Variants in RAG1 observed in about 807,000 individuals in gnomAD.
RAG1 encodes recombination activating 1.
In RAG1, 35 loss-of-function variants were observed where a neutral mutation model predicts 62.7. That is an observed-to-expected ratio of 0.56 (90% CI 0.43 to 0.74). The LOEUF (loss-of-function observed/expected upper bound fraction) is 0.74. Among genes scored for constraint, RAG1 ranks in the 30% least tolerant of loss-of-function variants. RAG1 has a pLI of 0.00. For synonymous variants in RAG1, 461 were observed against 470.3 expected (o/e 0.98, Z 0.26); for missense variants, 1,169 against 1,278.6 (o/e 0.91, Z 1.31).
Position 36,576,161 on chromosome 11 carries a change from G to T in RAG1, c.2857G>T (p.Asp953Tyr), listed in dbSNP as rs759346767. The T allele has an allele frequency of 5.6e-6, 9 of 1,613,994 alleles. No homozygotes were observed. The South Asian group carries it at 6.6e-5, about 12-fold the overall frequency. ...LAHVPEIIER[D>Y]GSIGAWASEG... ...CCATGTTCCTGAAATTATTGAGAGG[G>T]ATGGCTCCATTGGGGCATGGGCAAG... Residue 953 changes from aspartate (D) to tyrosine (Y), a missense_variant, in exon 2 of 2, where the codon GAT (aspartate) becomes TAT (tyrosine). Coordinates refer to ENST00000299440, the MANE Select transcript of RAG1 (RefSeq NM_000448.3).
Position 36,574,568 on chromosome 11 carries a change from G to A in RAG1, c.1264G>A (p.Ala422Thr). 1 of 1,614,254 alleles carries A rather than the reference G, an allele frequency of 6.2e-7. No individual in the cohort carries two copies. Among genetic ancestry groups the A allele is most frequent in the Non-Finnish European group, 8.5e-7 (1 of 1,180,046 alleles). Residue 422 changes from alanine to threonine, a missense_variant, in exon 2 of 2, where the codon GCT becomes ACT. Transcript: ENST00000299440. ...RELKLQVKAF[A>T]DKEEGGDVKS... ...GCTCAAGCTGCAAGTCAAAGCCTTT[G>A]CTGACAAAGAAGAAGGTGGAGATGT...
chr11:36,577,771 T>C lies in RAG1; in HGVS notation c.*1335T>C, dbSNP rs1850874339. 1 of 167,126 alleles carries C rather than the reference T, an allele frequency of 6.0e-6. No individual in the cohort carries two copies. The highest frequency in any genetic ancestry group is 2.4e-5 in the African/African-American group (1 of 41,478). The allele number at this position is 167,126 out of a possible 1,614,324, so 10.4% of individuals were successfully genotyped here. On this transcript the variant is annotated 3_prime_UTR_variant, in exon 2 of 2. Transcript: ENST00000299440. ...AGTCCTTTTGTCTCCAAAGCCCTTC[T>C]TCTTTCCACCACAAATTAATCACTA...
intron 3 of RAG1, among the ~76,000 whole-genome samples, chr11:36,558,059 A>G (rs1850528813): frequency 6.6e-6 from 1 of 152,180 alleles, no homozygotes; most frequent in Non-Finnish European, 1.5e-5. Flanking sequence ...ATTTCTTTCA[A>G]TAACATTTTA....
At chr11:36,542,203 A>G (rs535804388) in intron 3 of RAG1, among the ~76,000 whole-genome samples, 29 of 152,240 alleles carry the variant, frequency 1.9e-4, no homozygotes, top group Non-Finnish European at 3.5e-4. Context: ...TATTTCTTCT[A>G]CTACCATTTG....
rs1329911475 is a variant in RAG1 at position 36,574,041 on chromosome 11, C to A, written c.737C>A (p.Ala246Asp). The A allele has an allele frequency of 6.2e-7, 1 of 1,614,106 alleles. No individual in the cohort carries two copies. Among genetic ancestry groups the A allele is most frequent in the Non-Finnish European group, 8.5e-7 (1 of 1,180,032 alleles). The change falls in exon 2 of 2, where the codon GCC becomes GAC. Residue 246 changes from alanine (A) to aspartate (D), a missense_variant. By Grantham distance (126) the Ala-to-Asp change is moderately radical (BLOSUM62 -2). This residue lies in a region of RAG1 where 369 missense variants were observed against 335.3 expected (regional missense o/e 1.10). Coordinates refer to ENST00000299440, the MANE Select transcript of RAG1 (RefSeq NM_000448.3). Reference protein sequence around the residue: ...LKTVLDQARQARQHKRRAQAR... With the variant: ...LKTVLDQARQDRQHKRRAQAR... ...ACTGTGCTTGACCAAGCAAGACAAG[C>A]CCGTCAGCACAAGAGAAGAGCTCAG...
At chr11:36,557,353 G>A (rs1340601470) in intron 3 of RAG1, among the ~76,000 whole-genome samples, 10 of 116,606 alleles carry the variant, frequency 8.6e-5, no homozygotes, top group Non-Finnish European at 1.5e-4. Context: ...CGCAATATTC[G>A]GGTGGGAGTG....
At chr11:36,566,237 C>G (rs1001175555), upstream of RAG1, among the ~76,000 whole-genome samples, 2 of 152,038 alleles carry the variant, frequency 1.3e-5, no homozygotes, top group African/African-American at 4.8e-5. Context: ...AATTTTCTAA[C>G]TCTGCTTTGG....
intron 2 of RAG1, among the ~76,000 whole-genome samples, chr11:36,535,226 G>A (rs968284648): frequency 6.6e-6 from 1 of 152,080 alleles, no homozygotes; most frequent in Non-Finnish European, 1.5e-5. Flanking sequence ...ATTTTGGAAT[G>A]CATCAAGGTC....
At chr11:36,518,538 A>T (rs1385308372) in intron 1 of RAG1, among the ~76,000 whole-genome samples, 10 of 152,114 alleles carry the variant, frequency 6.6e-5, no homozygotes, top group African/African-American at 2.2e-4. Flanking sequence ...CCATTCTAAC[A>T]GGTGTGAGAT....
upstream of RAG1, chr11:36,563,466 AG>A (rs1226334021): frequency 6.6e-6 from 1 of 152,304 alleles, no homozygotes; most frequent in East Asian, 1.9e-4. Context: ...GCTTGAAGAC[AG>A]CAGATTGTGG....
chr11:36,573,403 C>A lies in RAG1; in HGVS notation c.99C>A (p.Phe33Leu), dbSNP rs370678903. Residue 33 changes from phenylalanine (F) to leucine (L), a missense_variant, in exon 2 of 2, where the codon TTC (phenylalanine) becomes TTA (leucine). Coordinates refer to ENST00000299440, the MANE Select transcript of RAG1 (RefSeq NM_000448.3). ...IKFSEWKFKL[F>L]RVRSFEKTPE... ...TTTCAGAATGGAAATTTAAGCTGTT[C>A]CGGGTGAGATCCTTTGAAAAGACAC... The A allele has an allele frequency of 1.2e-6, 2 of 1,613,970 alleles. No homozygotes were observed. Among genetic ancestry groups the A allele is most frequent in the Non-Finnish European group, 1.7e-6 (2 of 1,180,030 alleles).
At position 36,524,575 on chromosome 11, in the gene RAG1, C is replaced by T. The variant is rs971833579; in HGVS notation, n.428+4346C>T. Among the ~76,000 whole-genome samples, 3 of 151,600 alleles carry T rather than the reference C, an allele frequency of 2.0e-5. 1 individual carries two copies. Among genetic ancestry groups the T allele is most frequent in the Non-Finnish European group, 4.4e-5 (3 of 67,936 alleles). ...CAATCAGTGCACACTGCAGGCTCCA[C>T]CTTCCCTCGCTCAGGTGATCCTTCC... On this transcript the variant is annotated intron_variant and non_coding_transcript_variant, in intron 2 of 2. Transcript: ENST00000529126.
rs575238042 is a variant in RAG1 at position 36,546,537 on chromosome 11, C to T, written c.-412+10503C>T. On this transcript the variant is annotated intron_variant and NMD_transcript_variant, in intron 3 of 9. Coordinates refer to the RAG1 transcript ENST00000534663. ...GGGTGTTTACTCTTTATCCAATTTG[C>T]CAGTCTGTCTTTTAATTGGGGGCAT... 4.6e-5 allele frequency among the ~76,000 whole-genome samples: 7 copies of T among 152,082 alleles called. No individual in the cohort carries two copies. In the South Asian group the frequency reaches 1.5e-3, roughly 32 times the overall value.
Position 36,578,052 on chromosome 11 carries a change from G to A in RAG1, c.*1616G>A, listed in dbSNP as rs1850878888. 6.0e-6 allele frequency: 1 copy of A among 167,072 alleles called. No homozygotes were observed. Among genetic ancestry groups the A allele is most frequent in the African/African-American group, 2.4e-5 (1 of 41,454 alleles). The allele number at this position is 167,072 out of a possible 1,614,324, so 10.3% of individuals were successfully genotyped here. ...TGCCAGTTGCTGGCAATGTAGAGCA[G>A]GCATGGAATTTTATATGCTAGTGAG... On this transcript the variant is annotated 3_prime_UTR_variant, in exon 2 of 2. Coordinates refer to ENST00000299440, the MANE Select transcript of RAG1 (RefSeq NM_000448.3).
rs1223305797 is a variant in RAG1 at position 36,576,765 on chromosome 11, G to A, written c.*329G>A. The A allele has an allele frequency of 1.3e-5, 4 of 306,100 alleles. No homozygotes were observed. The highest frequency in any genetic ancestry group is 6.5e-6 in the Non-Finnish European group (1 of 154,936). 19.0% of individuals were successfully genotyped at this position (306,100 alleles called of 1,614,324 possible). On this transcript the variant is annotated 3_prime_UTR_variant, in exon 2 of 2. Coordinates refer to ENST00000299440, the MANE Select transcript of RAG1 (RefSeq NM_000448.3). Reference sequence around the variant, plus strand: ...TGTCATGTAAATCAAAGCCAAGGTTGTCAAAGAACAGCCAGTGAGGCCAGG... The same window carrying A: ...TGTCATGTAAATCAAAGCCAAGGTTATCAAAGAACAGCCAGTGAGGCCAGG...
chr11:36,529,194 G>T (rs1398023323), intron 2 of RAG1, among the ~76,000 whole-genome samples: 1 of 152,050 alleles, frequency 6.6e-6, no homozygotes. Context: ...AATAAAAAAA[G>T]AAAATTTTAG....
At chr11:36,570,226 T>C (rs4151007) in intron 1 of RAG1, among the ~76,000 whole-genome samples, 500 of 152,306 alleles carry the variant, frequency 3.3e-3, no homozygotes, top group Non-Finnish European at 6.1e-3. Flanking sequence ...ATTTTAAAGA[T>C]ATTGCTAAAT....
At chr11:36,524,310 T>C (rs1228947514) in intron 2 of RAG1, among the ~76,000 whole-genome samples, 1 of 148,898 alleles carries the variant, frequency 6.7e-6, no homozygotes, top group Non-Finnish European at 1.5e-5. Context: ...CTGCATGTTG[T>C]GCACATGTAC....
intron 1 of RAG1, among the ~76,000 whole-genome samples, chr11:36,514,532 T>G (rs890430909): frequency 3.9e-5 from 6 of 152,222 alleles, no homozygotes; most frequent in Non-Finnish European, 8.8e-5. Flanking sequence ...TACATTGCAC[T>G]ATATAATGAA....
Sources: allele counts gnomAD v4.1 joint callset (sites outside exome capture counted in the v4.1 genomes callset), GRCh38; gene constraint gnomAD v4.1.1; regional missense constraint gnomAD v4.1.1; transcripts MANE v1.5; gene names NCBI Gene and HGNC (gene_info 2026-07-23, HGNC 2026-07-21).